The following FEZ1 variants were observed in gnomAD, a reference collection of about 807,000 sequenced individuals.
FEZ1 encodes fasciculation and elongation protein zeta-1.
FEZ1 carries 20 observed loss-of-function variants against 49.3 expected under a neutral mutation model. That is an observed-to-expected ratio of 0.41 (90% confidence interval 0.29 to 0.59). The LOEUF (loss-of-function observed/expected upper bound fraction) is 0.59. Among genes scored for constraint, FEZ1 ranks in the 20% least tolerant of loss-of-function variants. The pLI, the probability that FEZ1 is intolerant of heterozygous loss-of-function variation, is 0.36. For synonymous variants in FEZ1, 170 were observed against 180.9 expected, an observed-to-expected ratio of 0.94 and a Z score of 0.48; for missense variants, 413 against 476.0, an observed-to-expected ratio of 0.87 and a Z score of 1.23.
intron 9 of FEZ1, among the ~76,000 whole-genome samples, chr11:125,447,007 T>C (rs1956905131): frequency 6.6e-6 from 1 of 152,220 alleles, no homozygotes; most frequent in Non-Finnish European, 1.5e-5. Flanking sequence ...CCCACAAATA[T>C]GGTCCCTCTG....
At chr11:125,493,482 GAA>G (rs1957418851) in intron 1 of FEZ1, among the ~76,000 whole-genome samples, 1 of 70,424 alleles carries the variant, frequency 1.4e-5, no homozygotes, top group African/African-American at 7.6e-5. Context: ...AGGAAAGAAG[GAA>G]AGAAGGAAAG....
At chr11:125,461,555 C>T (rs1295312684) in intron 4 of FEZ1, among the ~76,000 whole-genome samples, 3 of 152,072 alleles carry the variant, frequency 2.0e-5, no homozygotes, top group Admixed American at 6.6e-5. Context: ...TGCAGTGAAC[C>T]GAGACTGGGC....
rs1409524067 is a variant in FEZ1, at chr11:125,475,075, T to C, written c.411+6459A>G. Among the ~76,000 whole-genome samples the C allele has an allele frequency of 7.9e-5, 12 of 152,080 alleles. No homozygotes were observed. In the South Asian group the frequency reaches 2.5e-3, roughly 32 times the overall value. On this transcript the variant is annotated intron_variant, in intron 3 of 9. Coordinates refer to ENST00000278919, the MANE Select transcript of FEZ1 (RefSeq NM_005103.5). ...ACTTGAGCTCAGGAATTCAAGACCA[T>C]CCTAGGCAACATGGTGAAATCTCAT...
At chr11:125,474,171 C>T (rs1022072352) in intron 3 of FEZ1, among the ~76,000 whole-genome samples, 5 of 150,100 alleles carry the variant, frequency 3.3e-5, no homozygotes, top group East Asian at 2.0e-4. Context: ...ATTACAGGCA[C>T]GTGCCACCAT....
At position 125,447,027 on chromosome 11, in the gene FEZ1, A is replaced by G. The variant is rs777926021; in HGVS notation, c.1163-916T>C. 3.9e-5 allele frequency among the ~76,000 whole-genome samples: 6 copies of G among 152,226 alleles called. No homozygotes were observed. The East Asian group carries it at 7.7e-4, about 20-fold the overall frequency. Reference sequence around the variant, plus strand: ...AAATATGGTCCCTCTGCAACCGTACATAGTTTTGTGTGCATGCAGGACAAA... The same window carrying G: ...AAATATGGTCCCTCTGCAACCGTACGTAGTTTTGTGTGCATGCAGGACAAA... On this transcript the variant is annotated intron_variant, in intron 9 of 9. Transcript: ENST00000278919.
At chr11:125,454,612 T>G (rs1386263508) in intron 6 of FEZ1, among the ~76,000 whole-genome samples, 1 of 152,110 alleles carries the variant, frequency 6.6e-6, no homozygotes, top group Non-Finnish European at 1.5e-5. Context: ...GGGGGAAGTT[T>G]TTTTCAAAAT....
rs567486830 is a variant in FEZ1, at chr11:125,459,966, C to T, written c.667+532G>A. On this transcript the variant is annotated intron_variant, in intron 5 of 9. Coordinates refer to ENST00000278919, the MANE Select transcript of FEZ1 (RefSeq NM_005103.5). ...CACAAATTAGCAGGGCGTGGTGGCA[C>T]GTGCCTGTAGTCCCAACTACTCAGG... Among the ~76,000 whole-genome samples, 4 of 152,204 alleles carry T rather than the reference C, an allele frequency of 2.6e-5. No homozygotes were observed. The East Asian group carries it at 5.8e-4, about 22-fold the overall frequency.
intron 1 of FEZ1, among the ~76,000 whole-genome samples, chr11:125,493,711 G>C (rs1021327323): frequency 1.3e-5 from 2 of 152,208 alleles, no homozygotes; most frequent in East Asian, 1.9e-4. Flanking sequence ...TTGTTCAAAG[G>C]TTCCTGGATC....
chr11:125,489,869 A>C lies in FEZ1; in HGVS notation c.-45-47T>G. ...ATGTGAGTTTAGACCAGGCTAATCTAAATAATAGAGTTAACTTTAGAGACA... is the reference window on the plus strand; with the variant it reads ...ATGTGAGTTTAGACCAGGCTAATCTCAATAATAGAGTTAACTTTAGAGACA... On this transcript the variant is annotated intron_variant, in intron 1 of 9. Coordinates refer to ENST00000278919, the MANE Select transcript of FEZ1 (RefSeq NM_005103.5). This position sits in a 1 kb window ranked among gnomAD's most constrained non-coding sequence, Gnocchi z 4.2. 7.0e-7 allele frequency: 1 copy of C among 1,436,368 alleles called. No individual in the cohort carries two copies. The allele number at this position is 1,436,368 out of a possible 1,614,324, so 89.0% of individuals were successfully genotyped here. A position where few individuals can be genotyped will look rare whatever the true frequency, so the allele number is the denominator to read the frequency against.
chr11:125,466,435 G>A lies in FEZ1; in HGVS notation c.412-2865C>T, dbSNP rs369918753. Among the ~76,000 whole-genome samples, 62 of 152,208 alleles carry A rather than the reference G, an allele frequency of 4.1e-4. No individual in the cohort carries two copies. In the South Asian group the frequency reaches 7.5e-3, roughly 18 times the overall value. On this transcript the variant is annotated intron_variant, in intron 3 of 9. Transcript: ENST00000278919. ...GGAGGCTGCAGTGAGGCTGCAGTGAGCCGTGATTATGCCACTGCACTCCAG... is the reference window on the plus strand; with the variant it reads ...GGAGGCTGCAGTGAGGCTGCAGTGAACCGTGATTATGCCACTGCACTCCAG...
intron 8 of FEZ1, among the ~76,000 whole-genome samples, chr11:125,449,004 G>A (rs1459644729): frequency 6.6e-6 from 1 of 152,132 alleles, no homozygotes; most frequent in Non-Finnish European, 1.5e-5. Flanking sequence ...AAGAGCCACA[G>A]TGTTTGTCTC....
chr11:125,447,998 C>T (rs1022873201), intron 9 of FEZ1, among the ~76,000 whole-genome samples: 2 of 152,014 alleles, frequency 1.3e-5, no homozygotes, highest in Non-Finnish European at 2.9e-5. Flanking sequence ...TGGGTAGAGG[C>T]GTAAATGAAA....
At chr11:125,462,282 A>C (rs1957083110) in intron 4 of FEZ1, among the ~76,000 whole-genome samples, 1 of 152,258 alleles carries the variant, frequency 6.6e-6, no homozygotes, top group African/African-American at 2.4e-5. Context: ...TTAAATAAGG[A>C]ATCCAGAAAC....
chr11:125,479,625 TATC>T (rs759867975), intron 3 of FEZ1, among the ~76,000 whole-genome samples: 2 of 152,194 alleles, frequency 1.3e-5, no homozygotes, highest in Non-Finnish European at 2.9e-5. Flanking sequence ...GAGGTGATGA[TATC>T]ATGGAGGTGG....
intron 2 of FEZ1, 76 bp from the exon 3 acceptor site, chr11:125,481,709 G>C (rs561194847): frequency 1.0e-6 from 1 of 1,002,824 alleles, no homozygotes; most frequent in East Asian, 2.4e-5. Context: ...AGCTGGGCCG[G>C]GAGAGGAGAG....
chr11:125,460,363 G>A, intron 5 of FEZ1, 135 bp downstream of exon 5: 2 of 672,402 alleles, frequency 3.0e-6, no homozygotes, highest in African/African-American at 1.8e-5. Flanking sequence ...GAAAGGTATT[G>A]CTGACCACCT....
At chr11:125,490,690 C>T (rs900142024) in intron 1 of FEZ1, among the ~76,000 whole-genome samples, 5 of 152,084 alleles carry the variant, frequency 3.3e-5, no homozygotes, top group African/African-American at 1.2e-4. Context: ...AGTAAGGTCC[C>T]ATCTCTATTT....
chr11:125,452,200 AG>A, intron 8 of FEZ1, 133 bp downstream of exon 8: 3 of 676,840 alleles, frequency 4.4e-6, no homozygotes, highest in Non-Finnish European at 8.1e-6. Flanking sequence ...GATGTGACGC[AG>A]TAATTTGGAG....
At chr11:125,494,588 G>C (rs1036864368) in intron 1 of FEZ1, among the ~76,000 whole-genome samples, 2 of 152,180 alleles carry the variant, frequency 1.3e-5, no homozygotes, top group African/African-American at 4.8e-5. Flanking sequence ...AACCATGGGA[G>C]GGTCGCCTTT....
Sources: gnomAD v4.1 joint callset for allele counts (sites outside exome capture counted in the v4.1 genomes callset) on GRCh38, gnomAD v4.1.1 for gene constraint, Gnocchi (gnomAD v3.1) non-coding constraint, MANE v1.5 for transcripts, NCBI Gene and HGNC (gene_info 2026-07-23, HGNC 2026-07-21) for gene names.